The following HS6ST3 variants were observed in gnomAD, a reference collection of about 807,000 sequenced individuals.
HS6ST3 encodes heparan-sulfate 6-O-sulfotransferase 3.
A neutral mutation model predicts 36.7 loss-of-function variants in HS6ST3; 12 were observed. The observed-to-expected ratio is 0.33, with a 90% CI of 0.21 to 0.53. The LOEUF (loss-of-function observed/expected upper bound fraction) is 0.53. Ranked by LOEUF, HS6ST3 falls within the 20% of genes least tolerant of loss-of-function variation. The pLI is 0.95. For synonymous variants in HS6ST3, 240 were observed against 257.5 expected, an observed-to-expected ratio of 0.93 and a Z score of 0.65; for missense variants, 584 against 640.9, an observed-to-expected ratio of 0.91 and a Z score of 0.96.
chr13:96,797,285 C>T (rs1471901159), intron 1 of HS6ST3, among the ~76,000 whole-genome samples: 1 of 152,088 alleles, frequency 6.6e-6, no homozygotes. Flanking sequence ...GATACAGGCA[C>T]CATCTGATGG....
intron 1 of HS6ST3, among the ~76,000 whole-genome samples, chr13:96,375,160 C>T (rs967765749): frequency 5.3e-5 from 8 of 152,096 alleles, no homozygotes; most frequent in Non-Finnish European, 8.8e-5. Context: ...CTTTTCTTGC[C>T]TTGTTCCTTC....
rs1213404685 is a variant in HS6ST3 at position 96,136,921 on chromosome 13, G to C, written c.707+45352G>C. Among the ~76,000 whole-genome samples the C allele has an allele frequency of 2.0e-5, 3 of 152,034 alleles. No homozygotes were observed. In the East Asian group the frequency reaches 5.8e-4, roughly 29 times the overall value. ...GTTTTCCTCATATCCTGTAGACTTT[G>C]TGGTGTGAAAGGGTCATGCTAGACA... On this transcript the variant is annotated intron_variant, in intron 1 of 1. Coordinates refer to ENST00000376705, the MANE Select transcript of HS6ST3 (RefSeq NM_153456.4).
At chr13:96,473,712 T>A (rs2055850220) in intron 1 of HS6ST3, among the ~76,000 whole-genome samples, 1 of 152,136 alleles carries the variant, frequency 6.6e-6, no homozygotes, top group Admixed American at 6.6e-5. Flanking sequence ...ATGAGATGCC[T>A]TTGGAATAGG....
chr13:96,687,418 T>C (rs923903939), intron 1 of HS6ST3, among the ~76,000 whole-genome samples: 3 of 152,016 alleles, frequency 2.0e-5, no homozygotes, highest in Non-Finnish European at 2.9e-5. Context: ...CTTATGTTTG[T>C]AACACATCTA....
intron 1 of HS6ST3, among the ~76,000 whole-genome samples, chr13:96,615,854 G>A (rs566808679): frequency 1.6e-4 from 25 of 152,248 alleles, no homozygotes; most frequent in African/African-American, 5.8e-4. Context: ...TGTTATATGT[G>A]ACCTGAGTTT....
At chr13:96,433,417 G>T (rs2055626030) in intron 1 of HS6ST3, among the ~76,000 whole-genome samples, 1 of 152,202 alleles carries the variant, frequency 6.6e-6, no homozygotes, top group African/African-American at 2.4e-5. Flanking sequence ...GTCAGGTGGA[G>T]ATAATTGAAT....
intron 1 of HS6ST3, among the ~76,000 whole-genome samples, chr13:96,363,111 C>T (rs61966957): frequency 0.39 from 59,394 of 151,790 alleles, 12,278 homozygotes; most frequent in African/African-American, 0.52. Context: ...TACATGTGAT[C>T]GAATTGCATA....
chr13:96,117,738 A>G (rs2053900293), intron 1 of HS6ST3, among the ~76,000 whole-genome samples: 1 of 152,184 alleles, frequency 6.6e-6, no homozygotes, highest in African/African-American at 2.4e-5. Flanking sequence ...AAAAATATGT[A>G]ATAGACTGCA....
At chr13:96,295,456 A>C (rs1469871788) in intron 1 of HS6ST3, among the ~76,000 whole-genome samples, 3 of 152,126 alleles carry the variant, frequency 2.0e-5, no homozygotes, top group African/African-American at 7.2e-5. Context: ...CTTTCTGTTT[A>C]AATAAAGATT....
intron 1 of HS6ST3, among the ~76,000 whole-genome samples, chr13:96,606,430 A>G (rs571744417): frequency 6.6e-6 from 1 of 152,258 alleles, no homozygotes. Flanking sequence ...CAGCAACAGG[A>G]ATGCAGCTGG....
At chr13:96,111,930 AG>A (rs146583794) in intron 1 of HS6ST3, among the ~76,000 whole-genome samples, 2,862 of 152,342 alleles carry the variant, frequency 0.019, 30 homozygotes, top group Non-Finnish European at 0.03. Context: ...ATTTAAGAAA[AG>A]AAATTACTAG....
chr13:96,588,016 T>C (rs1271121305), intron 1 of HS6ST3, among the ~76,000 whole-genome samples: 2 of 152,220 alleles, frequency 1.3e-5, no homozygotes, highest in Non-Finnish European at 2.9e-5. Context: ...GATGCTATTT[T>C]GAATGGGATT....
chr13:96,412,083 C>A (rs1283943490), intron 1 of HS6ST3, among the ~76,000 whole-genome samples: 1 of 152,100 alleles, frequency 6.6e-6, no homozygotes, highest in East Asian at 1.9e-4. Context: ...CGGCTCACTG[C>A]AACCTCCGCC....
intron 1 of HS6ST3, among the ~76,000 whole-genome samples, chr13:96,174,289 T>TATA: frequency 6.6e-6 from 1 of 152,174 alleles, no homozygotes; most frequent in Admixed American, 6.5e-5. Flanking sequence ...TAATGCGTTA[T>TATA]ATGTTTATCC....
chr13:96,370,554 G>A (rs2055284400), intron 1 of HS6ST3, among the ~76,000 whole-genome samples: 1 of 152,194 alleles, frequency 6.6e-6, no homozygotes, highest in South Asian at 2.1e-4. Flanking sequence ...AGAATGTCAT[G>A]TCTCCAGACC....
intron 1 of HS6ST3, among the ~76,000 whole-genome samples, chr13:96,150,957 A>T (rs2054081984): frequency 6.6e-6 from 1 of 152,188 alleles, no homozygotes; most frequent in African/African-American, 2.4e-5. Context: ...GGAAATGTGG[A>T]TGGCAAATCT....
chr13:96,463,060 C>T (rs2055792931), intron 1 of HS6ST3, among the ~76,000 whole-genome samples: 1 of 152,070 alleles, frequency 6.6e-6, no homozygotes, highest in South Asian at 2.1e-4. Context: ...ATTAACTTTT[C>T]CCAAGTTGAT....
intron 1 of HS6ST3, among the ~76,000 whole-genome samples, chr13:96,492,755 T>C (rs1594792905): frequency 6.6e-6 from 1 of 152,194 alleles, no homozygotes; most frequent in African/African-American, 2.4e-5. Flanking sequence ...TACTGTAGCT[T>C]CCTTTTGGGA....
At position 96,377,941 on chromosome 13, in the gene HS6ST3, T is replaced by C. The variant is rs546440711; in HGVS notation, c.707+286372T>C. Among the ~76,000 whole-genome samples, 4 of 152,278 alleles carry C rather than the reference T, an allele frequency of 2.6e-5. No homozygotes were observed. The South Asian group carries it at 8.3e-4, about 32-fold the overall frequency. ...GGATACAATAAAATACCTGGCAGGA[T>C]TTTTCCTTAAGAAATTTCCAAAGGA... On this transcript the variant is annotated intron_variant, in intron 1 of 1. Transcript: ENST00000376705.
Sources: gnomAD v4.1 joint callset for allele counts (sites outside exome capture counted in the v4.1 genomes callset) on GRCh38, gnomAD v4.1.1 for gene constraint, MANE v1.5 for transcripts, NCBI Gene and HGNC (gene_info 2026-07-23, HGNC 2026-07-21) for gene names.